TENM2: variants seen among roughly 807,000 people sequenced by gnomAD.
The protein encoded by TENM2 is teneurin-2.
In TENM2, 52 loss-of-function variants were observed where a neutral mutation model predicts 245.2. The observed-to-expected ratio is 0.21, with a 90% CI of 0.17 to 0.27. The LOEUF is 0.27. Ranked by LOEUF, TENM2 falls within the 10% of genes least tolerant of loss-of-function variation. TENM2 has a pLI of 1.00. For missense variants in TENM2, 3,046 were observed against 3,666.8 expected, an observed-to-expected ratio of 0.83 and a Z score of 4.37; for synonymous variants, 1,363 against 1,438.9, an observed-to-expected ratio of 0.95 and a Z score of 1.19.
At chr5:167,178,530 C>T in the TENM2 span, among the ~76,000 whole-genome samples, 120 of 152,192 alleles carry the variant, frequency 7.9e-4, 1 homozygote, top group African/African-American at 1.7e-3. Context: ...GAATGTCCTG[C>T]GGAGCCTCAC....
At chr5:168,153,419 C>A (rs192213306) in intron 12 of TENM2, among the ~76,000 whole-genome samples, 1 of 152,302 alleles carries the variant, frequency 6.6e-6, no homozygotes, top group East Asian at 1.9e-4. Flanking sequence ...GCTATAAAAG[C>A]ATGCAATGGA....
chr5:167,791,597 T>C (rs1285519593), intron 2 of TENM2, among the ~76,000 whole-genome samples: 2 of 149,210 alleles, frequency 1.3e-5, no homozygotes, highest in Non-Finnish European at 3.0e-5. Flanking sequence ...GGTTGTGTAA[T>C]ACACAGGAAA....
At chr5:167,550,752 T>C (rs1175482765) in intron 2 of TENM2, among the ~76,000 whole-genome samples, 1 of 110,274 alleles carries the variant, frequency 9.1e-6, no homozygotes, top group East Asian at 3.0e-4. Context: ...GTGTGTGTGA[T>C]GGAGTGTTGC....
In TENM2 at chr5:168,247,092, G is replaced by A. The variant is rs1184457758; in HGVS notation, c.6153G>A (p.Met2051Ile). ...ACGAGACCACTGGTGTCTTGAAGAT[G>A]GTCAACCTCCAAAGTGGGGGCTTCT... The change falls in exon 27 of 29, where the codon ATG becomes ATA. Residue 2051 changes from methionine (M) to isoleucine (I), a missense_variant. By Grantham distance (10) the Met-to-Ile change is conservative. Transcript: ENST00000518659. The surrounding 1 kb of genome is among the most constrained non-coding windows in gnomAD (Gnocchi z 7.8). 6.2e-7 allele frequency: 1 copy of A among 1,613,900 alleles called. No individual in the cohort carries two copies. The highest frequency in any genetic ancestry group is 2.2e-5 in the East Asian group (1 of 44,856).
intron 2 of TENM2, among the ~76,000 whole-genome samples, chr5:167,550,395 T>C (rs1772849508): frequency 6.6e-6 from 1 of 152,192 alleles, no homozygotes; most frequent in Non-Finnish European, 1.5e-5. Flanking sequence ...ATCAAAATAT[T>C]AGTATAAATA....
At chr5:167,047,864 T>G in the TENM2 span, among the ~76,000 whole-genome samples, 3 of 152,154 alleles carry the variant, frequency 2.0e-5, no homozygotes, top group Non-Finnish European at 2.9e-5. Flanking sequence ...AGGGAACAAG[T>G]GCCCCTTTTG....
chr5:168,161,188 G>A (rs1188643247), intron 12 of TENM2, among the ~76,000 whole-genome samples: 4 of 152,284 alleles, frequency 2.6e-5, no homozygotes, highest in Admixed American at 1.3e-4. Flanking sequence ...TTTGGGCCAG[G>A]AAGGTTTCAA....
chr5:167,120,674 C>G, the TENM2 span, among the ~76,000 whole-genome samples: 1 of 152,204 alleles, frequency 6.6e-6, no homozygotes, highest in Admixed American at 6.5e-5. Flanking sequence ...ACTTGAGGAA[C>G]TTTCAATGTG....
intron 15 of TENM2, among the ~76,000 whole-genome samples, chr5:168,197,018 C>G (rs113129210): frequency 6.6e-6 from 1 of 152,174 alleles, no homozygotes; most frequent in Non-Finnish European, 1.5e-5. Flanking sequence ...TCTGAGGAAT[C>G]CCACAATCTG....
chr5:168,079,070 T>G (rs1037371415), intron 7 of TENM2, among the ~76,000 whole-genome samples: 1 of 152,248 alleles, frequency 6.6e-6, no homozygotes, highest in African/African-American at 2.4e-5. Context: ...GAGCATGGAA[T>G]GTTCTTCCAT....
At chr5:168,016,055 G>A (rs1337917203) in intron 5 of TENM2, among the ~76,000 whole-genome samples, 1 of 152,172 alleles carries the variant, frequency 6.6e-6, no homozygotes, top group African/African-American at 2.4e-5. Context: ...GGACAAGCAT[G>A]CACCTTTCCA....
chr5:167,135,706 GGAGGTTGCAGTGAGCCAAGGCC>G, the TENM2 span, among the ~76,000 whole-genome samples: 1 of 152,100 alleles, frequency 6.6e-6, no homozygotes, highest in South Asian at 2.1e-4. Flanking sequence ...GAACCCAGGC[GGAGGTTGCAGTGAGCCAAGGCC>G]GAGGTTGCAG....
At chr5:167,528,018 A>AG (rs1055245121) in intron 2 of TENM2, among the ~76,000 whole-genome samples, 1 of 152,202 alleles carries the variant, frequency 6.6e-6, no homozygotes, top group African/African-American at 2.4e-5. Flanking sequence ...CTTTTTAATA[A>AG]GGCCTTACAA....
rs759091789 is a variant in TENM2, at chr5:167,330,731, A to C, written c.227-44467A>C. ...AGGAGACAACAGCAATGCTCATGAT[A>C]ATTTCTGTTTCCTCTTATTTGCTAT... On this transcript the variant is annotated intron_variant, in intron 1 of 28. Transcript: ENST00000518659. Among the ~76,000 whole-genome samples, 65 of 152,288 alleles carry C rather than the reference A, an allele frequency of 4.3e-4. No homozygotes were observed. In the Middle Eastern group the frequency reaches 0.01, roughly 24 times the overall value.
At chr5:167,303,744 A>G (rs1755499019) in intron 1 of TENM2, among the ~76,000 whole-genome samples, 1 of 152,128 alleles carries the variant, frequency 6.6e-6, no homozygotes, top group South Asian at 2.1e-4. Context: ...GTAAAGGTGA[A>G]AAGTCCCATA....
At chr5:167,627,818 A>G (rs967042525) in intron 2 of TENM2, among the ~76,000 whole-genome samples, 5 of 152,014 alleles carry the variant, frequency 3.3e-5, no homozygotes, top group Admixed American at 6.6e-5. Context: ...CAGCCTCCCA[A>G]TGTGTTGGGA....
intron 27 of TENM2, among the ~76,000 whole-genome samples, chr5:168,249,848 A>G (rs1766937960): frequency 6.6e-6 from 1 of 152,124 alleles, no homozygotes; most frequent in Non-Finnish European, 1.5e-5. Flanking sequence ...ACAGAGTGAG[A>G]ACCCATCTCA....
At chr5:167,205,080 T>C in the TENM2 span, among the ~76,000 whole-genome samples, 2 of 152,208 alleles carry the variant, frequency 1.3e-5, no homozygotes, top group African/African-American at 4.8e-5. Context: ...GGGGACTCTT[T>C]CCATTGAATA....
At chr5:167,703,681 C>T (rs936975273) in intron 2 of TENM2, among the ~76,000 whole-genome samples, 15 of 152,006 alleles carry the variant, frequency 9.9e-5, no homozygotes, top group African/African-American at 2.7e-4. Context: ...TGGAAATGTA[C>T]GGTAGAACCC....
Sources: gnomAD v4.1 joint callset for allele counts (sites outside exome capture counted in the v4.1 genomes callset) on GRCh38, gnomAD v4.1.1 for gene constraint, Gnocchi (gnomAD v3.1) non-coding constraint, MANE v1.5 for transcripts, NCBI Gene and HGNC (gene_info 2026-07-23, HGNC 2026-07-21) for gene names.